Variants in PCDH15 observed in about 807,000 individuals in gnomAD.
The protein encoded by PCDH15 is protocadherin-15.
A neutral mutation model predicts 178.5 loss-of-function variants in PCDH15; 129 were observed. The observed-to-expected ratio is 0.72, with a 90% CI of 0.63 to 0.84. The LOEUF is 0.84. PCDH15 is among the 40% of genes least tolerant of loss of function. The pLI is 0.00. For synonymous variants in PCDH15, 800 were observed against 732.0 expected (o/e 1.09, Z -1.50); for missense variants, 2,230 against 2,099.9 (o/e 1.06, Z -1.21).
chr10:54,137,439 T>C (rs572337903), intron 14 of PCDH15, among the ~76,000 whole-genome samples: 1 of 151,990 alleles, frequency 6.6e-6, no homozygotes, highest in Non-Finnish European at 1.5e-5. Flanking sequence ...ACATATATAC[T>C]TTTTTTTGAT....
At chr10:55,172,223 G>A (rs932787071) in intron 1 of PCDH15, among the ~76,000 whole-genome samples, 1 of 151,696 alleles carries the variant, frequency 6.6e-6, no homozygotes, top group Non-Finnish European at 1.5e-5. Context: ...TGACAAAAAT[G>A]AACACCTAAA....
chr10:55,457,109 A>C (rs887625729), intron 2 of PCDH15, among the ~76,000 whole-genome samples: 4 of 152,068 alleles, frequency 2.6e-5, no homozygotes, highest in African/African-American at 9.7e-5. Context: ...CATATCACAA[A>C]TTTCTGTTTC....
intron 6 of PCDH15, among the ~76,000 whole-genome samples, chr10:54,335,014 C>T (rs1940773672): frequency 6.6e-6 from 1 of 152,086 alleles, no homozygotes; most frequent in Non-Finnish European, 1.5e-5. Flanking sequence ...TTTAGACAGC[C>T]TTAAGCTTGT....
intron 11 of PCDH15, among the ~76,000 whole-genome samples, chr10:54,187,520 A>G (rs999874512): frequency 4.6e-5 from 7 of 151,914 alleles, no homozygotes; most frequent in African/African-American, 1.2e-4. Flanking sequence ...GCACACATCA[A>G]TACTCCATAA....
rs201647527 is a variant in PCDH15, at chr10:53,888,282, C to CTATATATATA, written c.3501+14960_3501+14961insTATATATATA. 7.1e-4 allele frequency among the ~76,000 whole-genome samples: 68 copies of CTATATATATA among 95,382 alleles called. 1 individual carries two copies. The highest frequency in any genetic ancestry group is 4.0e-3 in the East Asian group (12 of 3,006). 62.6% of individuals were successfully genotyped at this position (95,382 alleles called of 152,430 possible). On this transcript the variant is annotated intron_variant, in intron 26 of 37. Transcript: ENST00000644397. ...TTGGATACAAATAAACATTCCAACA[C>CTATATATATA]TATATATACATATATATATATATAT...
At chr10:54,497,570 G>C (rs1044899194) in intron 3 of PCDH15, among the ~76,000 whole-genome samples, 1 of 152,100 alleles carries the variant, frequency 6.6e-6, no homozygotes, top group African/African-American at 2.4e-5. Context: ...ATATTTGAAA[G>C]ATGGTACAGC....
chr10:54,856,787 G>T (rs1953749128), intron 3 of PCDH15, among the ~76,000 whole-genome samples: 1 of 152,094 alleles, frequency 6.6e-6, no homozygotes, highest in Admixed American at 6.6e-5. Flanking sequence ...GTAGTCTACG[G>T]ATGTGACATT....
intron 8 of PCDH15, among the ~76,000 whole-genome samples, chr10:54,250,578 C>A (rs185841623): frequency 6.6e-6 from 1 of 152,012 alleles, no homozygotes; most frequent in Non-Finnish European, 1.5e-5. Flanking sequence ...CCACCGCGCC[C>A]GGCTTATTAC....
chr10:54,144,519 C>G (rs1424312157), intron 14 of PCDH15, among the ~76,000 whole-genome samples: 1 of 152,064 alleles, frequency 6.6e-6, no homozygotes, highest in Non-Finnish European at 1.5e-5. Flanking sequence ...CTCCCTAGTT[C>G]TTGTTTTTTT....
intron 1 of PCDH15, among the ~76,000 whole-genome samples, chr10:54,737,000 T>C (rs1457845427): frequency 6.6e-6 from 1 of 152,078 alleles, no homozygotes; most frequent in African/African-American, 2.4e-5. Context: ...GAATTAAGGT[T>C]TACCAGAGGG....
At chr10:54,014,513 C>A (rs551530550) in intron 20 of PCDH15, among the ~76,000 whole-genome samples, 40 of 152,214 alleles carry the variant, frequency 2.6e-4, no homozygotes, top group African/African-American at 9.4e-4. Context: ...ATCCAAAAAT[C>A]TTCAACAAAA....
At chr10:55,309,002 T>G (rs16907234) in intron 1 of PCDH15, among the ~76,000 whole-genome samples, 1 of 151,970 alleles carries the variant, frequency 6.6e-6, no homozygotes, top group African/African-American at 2.4e-5. Context: ...AATAGTCTCA[T>G]GACAAAAACT....
At chr10:55,037,828 T>G (rs532233349) in intron 2 of PCDH15, among the ~76,000 whole-genome samples, 7 of 152,226 alleles carry the variant, frequency 4.6e-5, no homozygotes, top group African/African-American at 1.4e-4. Flanking sequence ...TCTGTCATCT[T>G]AAATGTAATA....
At chr10:55,308,343 T>A (rs1450122664) in intron 1 of PCDH15, among the ~76,000 whole-genome samples, 1 of 152,116 alleles carries the variant, frequency 6.6e-6, no homozygotes, top group East Asian at 1.9e-4. Context: ...GGAGTAAGCA[T>A]TAAATTCTGA....
intron 2 of PCDH15, among the ~76,000 whole-genome samples, chr10:55,582,186 GTGC>G (rs1217973064): frequency 1.3e-5 from 2 of 152,120 alleles, no homozygotes; most frequent in Non-Finnish European, 2.9e-5. Context: ...GTGCTGTACT[GTGC>G]AACCAATCTA....
rs544303134 is a variant in PCDH15 at position 53,961,834 on chromosome 10, G to T, written c.2927C>A (p.Ala976Asp). Reference protein sequence around the residue: ...RVDDVQFPYPASIFEVEEDSG... With the variant: ...RVDDVQFPYPDSIFEVEEDSG... ...ATCTTCTTCCACTTCAAAAATACTGGCAGGGTAAGGAAACTGTACATCATC... is the reference window on the plus strand; with the variant it reads ...ATCTTCTTCCACTTCAAAAATACTGTCAGGGTAAGGAAACTGTACATCATC... Residue 976 changes from alanine (A) to aspartate (D), a missense_variant, in exon 22 of 38, where the codon GCC (alanine) becomes GAC (aspartate). Ala to Asp is a moderately radical substitution (Grantham distance 126, BLOSUM62 -2). Transcript: ENST00000644397. 2 of 1,610,534 alleles carry T rather than the reference G, an allele frequency of 1.2e-6. No individual in the cohort carries two copies. Among genetic ancestry groups the T allele is most frequent in the East Asian group, 2.2e-5 (1 of 44,684 alleles).
intron 2 of PCDH15, among the ~76,000 whole-genome samples, chr10:54,915,261 G>A (rs570444162): frequency 4.7e-4 from 71 of 152,262 alleles, no homozygotes; most frequent in African/African-American, 1.6e-3. Context: ...AGGTTGACCA[G>A]TACAATCTCT....
intron 3 of PCDH15, among the ~76,000 whole-genome samples, chr10:54,416,404 T>C (rs7905233): frequency 0.79 from 120,669 of 151,920 alleles, 48,712 homozygotes; most frequent in East Asian, 0.97. Context: ...TGTTAGTTTG[T>C]TGGGCATGAT....
chr10:53,925,471 C>T (rs529224255), intron 25 of PCDH15, among the ~76,000 whole-genome samples: 3 of 152,330 alleles, frequency 2.0e-5, no homozygotes, highest in South Asian at 4.1e-4. Context: ...CCCTAACACT[C>T]ACCGCGAGGG....
Sources: gnomAD v4.1 joint callset for allele counts (sites outside exome capture counted in the v4.1 genomes callset) on GRCh38, gnomAD v4.1.1 for gene constraint, MANE v1.5 for transcripts, NCBI Gene and HGNC (gene_info 2026-07-23, HGNC 2026-07-21) for gene names.